AKAP13: variants seen among roughly 807,000 people sequenced by gnomAD.
AKAP13 encodes the protein A-kinase anchor protein 13.
In AKAP13, 80 loss-of-function variants were observed where a neutral mutation model predicts 264.5. That is an observed-to-expected ratio of 0.30 (90% CI 0.25 to 0.36). AKAP13 has a LOEUF of 0.36. Among genes scored for constraint, AKAP13 ranks in the 10% least tolerant of loss-of-function variants. AKAP13 has a pLI of 1.00. For synonymous variants in AKAP13, 1,380 were observed against 1,250.2 expected (o/e 1.10, Z -2.19); for missense variants, 3,712 against 3,435.2 (o/e 1.08, Z -2.01).
chr15:85,485,998 G>A (rs570422590), intron 2 of AKAP13, among the ~76,000 whole-genome samples: 70 of 152,336 alleles, frequency 4.6e-4, no homozygotes, highest in African/African-American at 1.5e-3. Flanking sequence ...CAGGGTAATA[G>A]TATGCATGTA....
intron 1 of AKAP13, among the ~76,000 whole-genome samples, chr15:85,448,399 T>C (rs1197532846): frequency 6.6e-6 from 1 of 152,198 alleles, no homozygotes; most frequent in Non-Finnish European, 1.5e-5. Context: ...TTTCCTTTTT[T>C]TCGTGATTGC....
chr15:85,383,991 A>G (rs1219324406), intron 1 of AKAP13, among the ~76,000 whole-genome samples: 1 of 152,246 alleles, frequency 6.6e-6, no homozygotes, highest in Non-Finnish European at 1.5e-5. Context: ...AGTGATTTAA[A>G]TCAGTTATAC....
At chr15:85,716,130 A>G (rs1203764508) in intron 20 of AKAP13, among the ~76,000 whole-genome samples, 1 of 152,004 alleles carries the variant, frequency 6.6e-6, no homozygotes, top group African/African-American at 2.4e-5. Flanking sequence ...AAATACCCTT[A>G]GCAGGCTGGT....
chr15:85,399,527 A>AAAAAATAAATAAATAAAT (rs1567038675), intron 1 of AKAP13, among the ~76,000 whole-genome samples: 2 of 114,740 alleles, frequency 1.7e-5, no homozygotes, highest in African/African-American at 3.6e-5. Context: ...AAAAAATAAA[A>AAAAAATAAATAAATAAAT]AAATAAAAAA....
chr15:85,608,567 T>A (rs897196629), intron 8 of AKAP13, among the ~76,000 whole-genome samples: 4 of 152,146 alleles, frequency 2.6e-5, no homozygotes, highest in African/African-American at 9.7e-5. Context: ...AGCCCCATAG[T>A]GGTTCAAAGG....
At chr15:85,674,840 G>GTATATATATATATGAATATGTGTGTA (rs1454214010) in intron 14 of AKAP13, among the ~76,000 whole-genome samples, 1 of 151,572 alleles carries the variant, frequency 6.6e-6, no homozygotes. Context: ...GTGTGTGTGT[G>GTATATATATATATGAATATGTGTGTA]TATATATATA....
At chr15:85,507,795 G>T (rs1034588373) in intron 2 of AKAP13, among the ~76,000 whole-genome samples, 1 of 152,226 alleles carries the variant, frequency 6.6e-6, no homozygotes, top group Non-Finnish European at 1.5e-5. Context: ...AGTAGGATAT[G>T]ATGGCAGTAG....
intron 16 of AKAP13, chr15:85,691,818 A>G (rs2085300581): frequency 2.1e-6 from 1 of 484,878 alleles, no homozygotes; most frequent in Non-Finnish European, 4.1e-6. Flanking sequence ...TGCCACTCTG[A>G]CAAGTGAGGG....
At chr15:85,558,054 G>C (rs978719362) in intron 5 of AKAP13, among the ~76,000 whole-genome samples, 3 of 152,036 alleles carry the variant, frequency 2.0e-5, no homozygotes, top group African/African-American at 7.2e-5. Context: ...CCCAGAATCT[G>C]TGCACATTAA....
chr15:85,583,437 A>C (rs1421705862), intron 7 of AKAP13, among the ~76,000 whole-genome samples: 1 of 152,072 alleles, frequency 6.6e-6, no homozygotes, highest in African/African-American at 2.4e-5. Flanking sequence ...TTAGCTTTTT[A>C]GTTTTATTAA....
In AKAP13 at chr15:85,411,589, C is replaced by G. The variant is rs531542175; in HGVS notation, c.-12+30791C>G. On this transcript the variant is annotated intron_variant, in intron 1 of 36. Transcript: ENST00000394518. ...AGTAGCTGGGACTACAGGCGCCCACCACCACGCCCGGCTAATTTTTTGTAT... is the reference window on the plus strand; with the variant it reads ...AGTAGCTGGGACTACAGGCGCCCACGACCACGCCCGGCTAATTTTTTGTAT... Among the ~76,000 whole-genome samples, 20 of 152,302 alleles carry G rather than the reference C, an allele frequency of 1.3e-4. 1 individual carries two copies. The highest frequency in any genetic ancestry group is 1.0e-3 in the South Asian group (5 of 4,818).
chr15:85,386,358 G>A (rs2070562173), intron 1 of AKAP13, among the ~76,000 whole-genome samples: 1 of 150,632 alleles, frequency 6.6e-6, no homozygotes, highest in Non-Finnish European at 1.5e-5. Context: ...GCGTGAGTGA[G>A]ATCTTGTTCA....
intron 1 of AKAP13, among the ~76,000 whole-genome samples, chr15:85,392,950 A>G (rs1449780088): frequency 6.6e-6 from 1 of 152,172 alleles, no homozygotes; most frequent in East Asian, 1.9e-4. Context: ...GCTGTCCTAA[A>G]GGTGGTGGAT....
chr15:85,387,149 AC>A (rs2070607311), intron 1 of AKAP13, among the ~76,000 whole-genome samples: 1 of 151,964 alleles, frequency 6.6e-6, no homozygotes, highest in African/African-American at 2.4e-5. Context: ...AGCCTGGCTG[AC>A]ATGGCAAAAC....
intron 1 of AKAP13, among the ~76,000 whole-genome samples, chr15:85,405,217 T>A (rs7164354): frequency 0.77 from 117,469 of 152,104 alleles, 45,753 homozygotes; most frequent in African/African-American, 0.81. Context: ...CCTTTGAATC[T>A]GTGTTCTGAA....
At chr15:85,511,266 T>C (rs1227842379) in intron 2 of AKAP13, among the ~76,000 whole-genome samples, 4 of 152,220 alleles carry the variant, frequency 2.6e-5, no homozygotes, top group African/African-American at 7.2e-5. Flanking sequence ...CATTTCTTCT[T>C]ACTGCCTTCC....
intron 1 of AKAP13, among the ~76,000 whole-genome samples, chr15:85,471,784 C>G (rs2074970375): frequency 6.6e-6 from 1 of 152,168 alleles, no homozygotes; most frequent in Admixed American, 6.5e-5. Context: ...TAATATAAGT[C>G]TTTGAACTTA....
intron 33 of AKAP13, among the ~76,000 whole-genome samples, chr15:85,739,462 G>A (rs778069773): frequency 6.6e-6 from 1 of 151,490 alleles, no homozygotes. Flanking sequence ...TTTCTACTAG[G>A]GTATTTTTTT....
intron 5 of AKAP13, among the ~76,000 whole-genome samples, chr15:85,567,857 C>T (rs192882736): frequency 7.4e-4 from 112 of 152,186 alleles, no homozygotes; most frequent in Non-Finnish European, 1.3e-3. Context: ...CTCCAGCAGA[C>T]GCTGTCCCAC....
Sources: allele counts gnomAD v4.1 joint callset (sites outside exome capture counted in the v4.1 genomes callset), GRCh38; gene constraint gnomAD v4.1.1; transcripts MANE v1.5; gene names NCBI Gene and HGNC (gene_info 2026-07-23, HGNC 2026-07-21).